ZNF385D: variants seen among roughly 807,000 people sequenced by gnomAD.
The protein encoded by ZNF385D is zinc finger protein 659.
ZNF385D carries 15 observed loss-of-function variants against 35.8 expected under a neutral mutation model. The ratio of observed to expected loss-of-function variants is 0.42; its 90% CI spans 0.28 to 0.64. The LOEUF is 0.64. ZNF385D is among the 30% of genes least tolerant of loss of function. The pLI is 0.23. For synonymous variants in ZNF385D, 212 were observed against 186.8 expected, an observed-to-expected ratio of 1.13 and a Z score of -1.10; for missense variants, 474 against 494.6, an observed-to-expected ratio of 0.96 and a Z score of 0.39.
Position 22,350,263 on chromosome 3 carries a change from T to G in ZNF385D, c.106+22187A>C, listed in dbSNP as rs143118138. Among the ~76,000 whole-genome samples the G allele has an allele frequency of 2.0e-3, 310 of 152,266 alleles. 6 individuals are homozygous for G. In the South Asian group the frequency reaches 0.033, roughly 16 times the overall value. On this transcript the variant is annotated intron_variant, in intron 2 of 5. Coordinates refer to the ZNF385D transcript ENST00000494108. Reference sequence around the variant, plus strand: ...TCCACTTTGCATTGTTTTTATGTCTTTTCACTTCAGATTCAATAATATTTT... The same window carrying G: ...TCCACTTTGCATTGTTTTTATGTCTGTTCACTTCAGATTCAATAATATTTT...
At chr3:22,214,894 T>A (rs1697763747) in intron 2 of ZNF385D, among the ~76,000 whole-genome samples, 1 of 151,628 alleles carries the variant, frequency 6.6e-6, no homozygotes, top group Non-Finnish European at 1.5e-5. Context: ...GTGAAGCACG[T>A]GATGTCTGTG....
At chr3:21,555,196 A>G (rs1161215800) in intron 3 of ZNF385D, among the ~76,000 whole-genome samples, 6 of 151,370 alleles carry the variant, frequency 4.0e-5, no homozygotes, top group Non-Finnish European at 8.8e-5. Flanking sequence ...TTTCACTTGA[A>G]CACATACAGG....
chr3:21,810,216 G>A (rs907205564), intron 3 of ZNF385D, among the ~76,000 whole-genome samples: 8 of 152,054 alleles, frequency 5.3e-5, no homozygotes, highest in Admixed American at 2.6e-4. Flanking sequence ...TTTCTTCTAG[G>A]AATTCAAGGC....
intron 3 of ZNF385D, among the ~76,000 whole-genome samples, chr3:21,827,689 G>A (rs1199858540): frequency 1.3e-5 from 2 of 152,172 alleles, no homozygotes; most frequent in Non-Finnish European, 1.5e-5. Context: ...ATTACAAGGA[G>A]TCTTGGAACG....
At chr3:22,264,408 T>C (rs979491687) in intron 2 of ZNF385D, among the ~76,000 whole-genome samples, 4 of 152,040 alleles carry the variant, frequency 2.6e-5, no homozygotes, top group African/African-American at 9.7e-5. Flanking sequence ...AATTGATCAG[T>C]GGCAGGGCTG....
intron 3 of ZNF385D, among the ~76,000 whole-genome samples, chr3:21,888,360 A>T (rs1186887645): frequency 6.6e-6 from 1 of 152,194 alleles, no homozygotes; most frequent in Non-Finnish European, 1.5e-5. Context: ...GGGGCCAAGG[A>T]AGAGACTTGA....
At chr3:21,909,799 G>A (rs1699874205) in intron 3 of ZNF385D, among the ~76,000 whole-genome samples, 1 of 152,100 alleles carries the variant, frequency 6.6e-6, no homozygotes, top group East Asian at 1.9e-4. Context: ...TTCTTGAATG[G>A]AAAATGAGAC....
chr3:21,820,945 A>T (rs1252488097), intron 3 of ZNF385D, among the ~76,000 whole-genome samples: 1 of 152,082 alleles, frequency 6.6e-6, no homozygotes, highest in Non-Finnish European at 1.5e-5. Context: ...AACTTCATTT[A>T]AAAATTCTAG....
At chr3:22,311,928 C>T (rs1575095446) in intron 2 of ZNF385D, among the ~76,000 whole-genome samples, 1 of 152,072 alleles carries the variant, frequency 6.6e-6, no homozygotes, top group African/African-American at 2.4e-5. Flanking sequence ...AATGTTCAGT[C>T]TTCATTGAGG....
chr3:21,982,360 CCTTT>C (rs1049524585), intron 3 of ZNF385D, among the ~76,000 whole-genome samples: 4 of 151,910 alleles, frequency 2.6e-5, no homozygotes, highest in African/African-American at 7.2e-5. Context: ...AGTAGAATCG[CCTTT>C]CTGATTTGGC....
intron 3 of ZNF385D, among the ~76,000 whole-genome samples, chr3:21,792,008 C>T (rs2071950885): frequency 6.6e-6 from 1 of 152,182 alleles, no homozygotes; most frequent in Non-Finnish European, 1.5e-5. Context: ...GCTGGGATTC[C>T]AGGCGTGAGC....
At chr3:22,105,108 C>CT (rs1423642371) in intron 3 of ZNF385D, among the ~76,000 whole-genome samples, 1 of 152,048 alleles carries the variant, frequency 6.6e-6, no homozygotes, top group African/African-American at 2.4e-5. Flanking sequence ...TAAGTATTCA[C>CT]TTTTACAGTC....
At chr3:22,183,613 C>T (rs1318083020) in intron 2 of ZNF385D, among the ~76,000 whole-genome samples, 2 of 152,056 alleles carry the variant, frequency 1.3e-5, no homozygotes, top group Non-Finnish European at 2.9e-5. Flanking sequence ...GCCTCGGCCT[C>T]CCGAGAATGG....
At chr3:21,770,724 C>G (rs897280496) in intron 3 of ZNF385D, among the ~76,000 whole-genome samples, 9 of 152,124 alleles carry the variant, frequency 5.9e-5, no homozygotes, top group African/African-American at 2.2e-4. Context: ...TTTGACCCAG[C>G]CATCCCATTA....
chr3:22,371,735 T>C (rs1178133323), intron 2 of ZNF385D, among the ~76,000 whole-genome samples: 1 of 152,124 alleles, frequency 6.6e-6, no homozygotes, highest in Non-Finnish European at 1.5e-5. Flanking sequence ...AGGTACTCAA[T>C]GGAAGCGTAA....
At position 22,192,226 on chromosome 3, in the gene ZNF385D, G is replaced by C. The variant is rs144232474; in HGVS notation, c.107-23191C>G. 5.6e-3 allele frequency among the ~76,000 whole-genome samples: 847 copies of C among 152,264 alleles called. 4 individuals are homozygous for C. Among genetic ancestry groups the C allele is most frequent in the African/African-American group, 0.019 (792 of 41,564 alleles). ...CTGAGAGATTTGGTGTTCAGATGCT[G>C]AGAGTTGCTTTCTTTTCCCCTCATT... is the stretch of plus-strand genomic sequence containing the variant. On this transcript the variant is annotated intron_variant, in intron 2 of 5. Transcript: ENST00000494108.
chr3:21,845,337 G>A (rs1350609227), intron 3 of ZNF385D, among the ~76,000 whole-genome samples: 4 of 151,940 alleles, frequency 2.6e-5, no homozygotes, highest in African/African-American at 9.7e-5. Context: ...GATAATTTTG[G>A]TTGTAGCATA....
At chr3:22,183,679 T>C (rs1434667347) in intron 2 of ZNF385D, among the ~76,000 whole-genome samples, 1 of 152,214 alleles carries the variant, frequency 6.6e-6, no homozygotes, top group Middle Eastern at 3.2e-3. Context: ...TATATTTCTA[T>C]TGTATCATTA....
At chr3:21,422,173 A>C (rs1331976341) in intron 7 of ZNF385D, among the ~76,000 whole-genome samples, 2 of 152,132 alleles carry the variant, frequency 1.3e-5, no homozygotes, top group Admixed American at 1.3e-4. Context: ...TTGTATACTA[A>C]TAGCAACACA....
Sources: gnomAD v4.1 joint callset for allele counts (sites outside exome capture counted in the v4.1 genomes callset) on GRCh38, gnomAD v4.1.1 for gene constraint, MANE v1.5 for transcripts, NCBI Gene and HGNC (gene_info 2026-07-23, HGNC 2026-07-21) for gene names.